BAZ1A: variants seen among roughly 807,000 people sequenced by gnomAD.
The protein encoded by BAZ1A is bromodomain adjacent to zinc finger domain protein 1A.
A neutral mutation model predicts 185.2 loss-of-function variants in BAZ1A; 50 were observed. The ratio of observed to expected loss-of-function variants is 0.27; its 90% CI spans 0.22 to 0.34. BAZ1A has a LOEUF of 0.34. Among genes scored for constraint, BAZ1A ranks in the 10% least tolerant of loss-of-function variants. The pLI is 1.00. For synonymous variants in BAZ1A, 571 were observed against 615.6 expected (o/e 0.93, Z 1.07); for missense variants, 1,356 against 1,839.9 (o/e 0.74, Z 4.81).
At chr14:34,804,004 T>G (rs1881717920) in intron 6 of BAZ1A, among the ~76,000 whole-genome samples, 1 of 152,182 alleles carries the variant, frequency 6.6e-6, no homozygotes, top group Non-Finnish European at 1.5e-5. Context: ...TTTTTAATTT[T>G]ATTTACGTAT....
At chr14:34,867,459 G>A (rs1170025877) in intron 2 of BAZ1A, among the ~76,000 whole-genome samples, 1 of 152,108 alleles carries the variant, frequency 6.6e-6, no homozygotes, top group Non-Finnish European at 1.5e-5. Context: ...GCCATGGCAG[G>A]GGGACAGCTA....
chr14:34,797,734 CGTGATCAATGCAGAAGACG>C (rs1172925001), intron 9 of BAZ1A, among the ~76,000 whole-genome samples: 1 of 152,160 alleles, frequency 6.6e-6, no homozygotes, highest in African/African-American at 2.4e-5. Flanking sequence ...CAGCTCCCAG[CGTGATCAATGCAGAAGACG>C]GTGATTTCTG....
At chr14:34,870,662 A>G (rs1003378444) in intron 2 of BAZ1A, among the ~76,000 whole-genome samples, 17 of 152,248 alleles carry the variant, frequency 1.1e-4, no homozygotes, top group Admixed American at 9.8e-4. Flanking sequence ...TTCTTAATGC[A>G]TACTTCAACA....
chr14:34,872,864 A>AT (rs2042970347), intron 2 of BAZ1A, among the ~76,000 whole-genome samples: 2 of 51,132 alleles, frequency 3.9e-5, no homozygotes, highest in Non-Finnish European at 8.9e-5. Flanking sequence ...TGATACTCTT[A>AT]GTTTTTTTTT....
chr14:34,783,918 A>G lies in BAZ1A; in HGVS notation c.1841T>C (p.Met614Thr), dbSNP rs747506304. ...TCCACAGAGAGCATGGAGTATCTTC[A>G]TTTTTTCTCCTGTCAAAAATTGGTA... ...SVYDLTPGEK[M>T]KILHALCGKL... Residue 614 changes from methionine to threonine, a missense_variant, in exon 15 of 27, where the codon ATG becomes ACG. Around this residue, in one of 7 missense-constraint regions of BAZ1A, gnomAD observed 184 missense variants for 355.1 expected, o/e 0.52. Transcript: ENST00000360310. The G allele has an allele frequency of 6.3e-7, 1 of 1,586,644 alleles. No individual in the cohort carries two copies. Among genetic ancestry groups the G allele is most frequent in the Non-Finnish European group, 8.5e-7 (1 of 1,171,066 alleles).
chr14:34,874,421 A>T lies in BAZ1A; in HGVS notation c.113+71T>A, dbSNP rs2043006789. The T allele has an allele frequency of 1.4e-6, 2 of 1,405,852 alleles. No individual in the cohort carries two copies. Among genetic ancestry groups the T allele is most frequent in the Admixed American group, 3.5e-5 (2 of 57,914 alleles). 87.1% of individuals were successfully genotyped at this position (1,405,852 alleles called of 1,614,324 possible). A position where few individuals can be genotyped will look rare whatever the true frequency, so the allele number is the denominator to read the frequency against. On this transcript the variant is annotated intron_variant, in intron 2 of 26. Coordinates refer to ENST00000360310, the MANE Select transcript of BAZ1A (RefSeq NM_013448.3). The surrounding 1 kb of genome is among the most constrained non-coding windows in gnomAD (Gnocchi z 4.7). ...CCAGAAGCCCAGGGCGAGGAAAAGG[A>T]GAGAGACAAAAGAGCGCTGCGGGGG...
In BAZ1A at chr14:34,753,298, T is replaced by C. The variant is rs892231986; in HGVS notation, c.*210A>G. On this transcript the variant is annotated 3_prime_UTR_variant, in exon 27 of 27. Coordinates refer to ENST00000360310, the MANE Select transcript of BAZ1A (RefSeq NM_013448.3). ...GTAAACCAGTACTGTATCCAATACA[T>C]CTATCAAACTTATTAGATACTGAAC... The C allele has an allele frequency of 5.5e-6, 3 of 542,706 alleles. No homozygotes were observed. In the African/African-American group the frequency reaches 5.7e-5, roughly 10 times the overall value. The allele number at this position is 542,706 out of a possible 1,614,324, so 33.6% of individuals were successfully genotyped here.
intron 12 of BAZ1A, among the ~76,000 whole-genome samples, chr14:34,792,267 C>T (rs950765995): frequency 4.6e-5 from 7 of 151,972 alleles, no homozygotes; most frequent in Admixed American, 1.3e-4. Flanking sequence ...GCGTCTGTAT[C>T]CCAGCTACTC....
chr14:34,813,105 G>A (rs903696587), intron 4 of BAZ1A, among the ~76,000 whole-genome samples: 4 of 152,162 alleles, frequency 2.6e-5, no homozygotes, highest in Non-Finnish European at 5.9e-5. Flanking sequence ...ACTGCTGGCC[G>A]GGTGTGATGG....
rs1880472071 is a variant in BAZ1A at position 34,786,620 on chromosome 14, T to TTTTTTTTTTTTTA, written c.1511-400_1511-399insTAAAAAAAAAAAA. ...TTTTATGTGTGTTTTTTTTTTTTTT[T>TTTTTTTTTTTTTA]TTTTTGAGATGTAGTCTTGCTCTGT... On this transcript the variant is annotated intron_variant, in intron 12 of 26. Transcript: ENST00000360310. 1.3e-5 allele frequency: 2 copies of TTTTTTTTTTTTTA among 152,288 alleles called. 1 individual carries two copies. Among genetic ancestry groups the TTTTTTTTTTTTTA allele is most frequent in the South Asian group, 3.7e-4 (2 of 5,396 alleles). The allele number at this position is 152,288 out of a possible 1,614,324, so 9.4% of individuals were successfully genotyped here.
At chr14:34,811,832 C>A (rs947329118) in intron 4 of BAZ1A, among the ~76,000 whole-genome samples, 1 of 152,126 alleles carries the variant, frequency 6.6e-6, no homozygotes, top group African/African-American at 2.4e-5. Context: ...AAAAAAAGTT[C>A]TTGGATTTGC....
At chr14:34,760,416 T>C (rs953817964) in intron 24 of BAZ1A, among the ~76,000 whole-genome samples, 4 of 151,696 alleles carry the variant, frequency 2.6e-5, no homozygotes, top group African/African-American at 9.7e-5. Context: ...CTTTCACCAA[T>C]GAATTCCTTA....
At position 34,758,584 on chromosome 14, in the gene BAZ1A, A is replaced by C. The variant is rs529596186; in HGVS notation, c.4386+120T>G. ...GACAGAGTGAGACTGTCTCAGGAAA[A>C]AACAACAACAACAAAAAAAACTAGA... On this transcript the variant is annotated intron_variant, in intron 25 of 26. Coordinates refer to ENST00000360310, the MANE Select transcript of BAZ1A (RefSeq NM_013448.3). The C allele has an allele frequency of 4.7e-6, 5 of 1,072,622 alleles. No individual in the cohort carries two copies. The African/African-American group carries it at 4.8e-5, about 10-fold the overall frequency. The allele number at this position is 1,072,622 out of a possible 1,614,324, so 66.4% of individuals were successfully genotyped here.
At chr14:34,847,382 G>GA (rs927955227) in intron 3 of BAZ1A, among the ~76,000 whole-genome samples, 5 of 150,608 alleles carry the variant, frequency 3.3e-5, no homozygotes, top group African/African-American at 4.9e-5. Flanking sequence ...GCAGGATTGA[G>GA]AAAAAAAAAA....
At position 34,773,530 on chromosome 14, in the gene BAZ1A, G is replaced by T. The variant is rs1468071107; in HGVS notation, c.3152+42C>A. 13 of 1,462,056 alleles carry T rather than the reference G, an allele frequency of 8.9e-6. No individual in the cohort carries two copies. The East Asian group carries it at 2.5e-4, about 28-fold the overall frequency. The allele number at this position is 1,462,056 out of a possible 1,614,324, so 90.6% of individuals were successfully genotyped here. On this transcript the variant is annotated intron_variant, in intron 20 of 26. Transcript: ENST00000360310. ...AAAAAAAAAAAAAAACCTTAAAATG[G>T]CAAGGAAAAGTAATGGTTACTTTAG...
At chr14:34,823,803 A>G (rs1293562345) in intron 4 of BAZ1A, among the ~76,000 whole-genome samples, 2 of 152,162 alleles carry the variant, frequency 1.3e-5, no homozygotes, top group African/African-American at 2.4e-5. Context: ...TTCAAGAGGC[A>G]TTCCAATAAA....
intron 12 of BAZ1A, among the ~76,000 whole-genome samples, chr14:34,791,087 A>C (rs1256865927): frequency 2.0e-5 from 3 of 152,034 alleles, no homozygotes; most frequent in Non-Finnish European, 4.4e-5. Flanking sequence ...GTGCCATTGC[A>C]CTCCAGCCTG....
At chr14:34,774,220 G>T in intron 19 of BAZ1A, 107 bp downstream of exon 19, 3 of 823,508 alleles carry the variant, frequency 3.6e-6, no homozygotes, top group South Asian at 2.6e-5. Context: ...ATTCTCTGGT[G>T]TTTATTCAAA....
chr14:34,820,122 G>GTTTTTTTTTTTTT (rs59706713), intron 4 of BAZ1A, among the ~76,000 whole-genome samples: 1 of 80,662 alleles, frequency 1.2e-5, no homozygotes. Context: ...TGGGTTCCTC[G>GTTTTTTTTTTTTT]TTTTTTTTTT....
Sources: gnomAD v4.1 joint callset for allele counts (sites outside exome capture counted in the v4.1 genomes callset) on GRCh38, gnomAD v4.1.1 for gene constraint, gnomAD v4.1.1 regional missense constraint, Gnocchi (gnomAD v3.1) non-coding constraint, MANE v1.5 for transcripts, NCBI Gene and HGNC (gene_info 2026-07-23, HGNC 2026-07-21) for gene names.